The following C18orf63 variants were observed in gnomAD, a reference collection of about 807,000 sequenced individuals.
The protein encoded by C18orf63 is chromosome 18 open reading frame 63.
A neutral mutation model predicts 75.3 loss-of-function variants in C18orf63; 50 were observed. The observed-to-expected ratio is 0.66, with a 90% CI of 0.53 to 0.84. C18orf63 has a LOEUF of 0.84. Among genes scored for constraint, C18orf63 ranks in the 40% least tolerant of loss-of-function variants. C18orf63 has a pLI of 0.00. For missense variants in C18orf63, 732 were observed against 800.2 expected (o/e 0.91, Z 1.03); for synonymous variants, 232 against 267.6 (o/e 0.87, Z 1.30).
intron 2 of C18orf63, among the ~76,000 whole-genome samples, chr18:74,319,217 CCA>C (rs1239756377): frequency 2.6e-5 from 4 of 152,038 alleles, no homozygotes; most frequent in Non-Finnish European, 5.9e-5. Flanking sequence ...GCAGCCATTC[CCA>C]CAGAGTGGGG....
intron 1 of C18orf63, among the ~76,000 whole-genome samples, chr18:74,316,879 C>G (rs954385033): frequency 6.6e-6 from 1 of 152,214 alleles, no homozygotes; most frequent in East Asian, 1.9e-4. Context: ...TATCCCTGAA[C>G]AGATCACTCT....
Position 74,320,508 on chromosome 18 carries a change from C to T in C18orf63, c.135-5C>T. On this transcript the variant is annotated splice_region_variant and splice_polypyrimidine_tract_variant and intron_variant, in intron 2 of 13. Transcript: ENST00000579455. ...TCCACTTTGTAATATATTTCATCTC[C>T]ACAGGCAATTGCTGTTTTTGCATCA... is the stretch of plus-strand genomic sequence containing the variant. 1 of 1,528,312 alleles carries T rather than the reference C, an allele frequency of 6.5e-7. No individual in the cohort carries two copies. Among genetic ancestry groups the T allele is most frequent in the African/African-American group, 1.4e-5 (1 of 72,868 alleles). 94.7% of individuals were successfully genotyped at this position (1,528,312 alleles called of 1,614,324 possible). A position where few individuals can be genotyped will look rare whatever the true frequency, so the allele number is the denominator to read the frequency against.
intron 11 of C18orf63, among the ~76,000 whole-genome samples, chr18:74,344,138 A>G (rs919874373): frequency 2.6e-5 from 4 of 152,096 alleles, no homozygotes; most frequent in African/African-American, 9.7e-5. Context: ...GTATAAGGAA[A>G]ACAGAGGGCT....
At chr18:74,333,875 C>T (rs990041831) in intron 7 of C18orf63, among the ~76,000 whole-genome samples, 2 of 152,216 alleles carry the variant, frequency 1.3e-5, no homozygotes, top group African/African-American at 4.8e-5. Context: ...CAACATTATA[C>T]ACTCAACATG....
chr18:74,334,917 A>G (rs959509807), intron 7 of C18orf63, among the ~76,000 whole-genome samples: 2 of 152,144 alleles, frequency 1.3e-5, no homozygotes, highest in African/African-American at 2.4e-5. Context: ...ATGGTCTTTC[A>G]TCCTTCCATG....
rs1984713119 is a variant in C18orf63, at chr18:74,353,814, CAG to C, written c.1550_1551del (p.Glu517ValfsTer3). The C allele has an allele frequency of 2.6e-6, 4 of 1,535,762 alleles. No homozygotes were observed. Among genetic ancestry groups the C allele is most frequent in the Admixed American group, 2.0e-5 (1 of 50,964 alleles). On this transcript the variant is annotated frameshift_variant, in exon 12 of 14. Coordinates refer to ENST00000579455, the MANE Select transcript of C18orf63 (RefSeq NM_001174123.2). LOFTEE classifies it high-confidence loss of function. ...TCCAGACCTCTGCAAGAAAAAAATA[CAG>C]AGTCTTCTGAAAATATGACAAAATT...
chr18:74,342,211 G>C, intron 9 of C18orf63, 30 bp from the exon 10 acceptor site: 1 of 1,469,104 alleles, frequency 6.8e-7, no homozygotes, highest in South Asian at 1.2e-5. Flanking sequence ...CTTTCTCCAA[G>C]ATATTTAAAA....
At chr18:74,342,215 T>C in intron 9 of C18orf63, 26 bp from the exon 10 acceptor site, 2 of 1,475,574 alleles carry the variant, frequency 1.4e-6, no homozygotes, top group Non-Finnish European at 1.8e-6. Context: ...CTCCAAGATA[T>C]TTAAAATTTT....
At chr18:74,349,098 T>A (rs561854545) in intron 11 of C18orf63, among the ~76,000 whole-genome samples, 1 of 152,328 alleles carries the variant, frequency 6.6e-6, no homozygotes, top group East Asian at 1.9e-4. Context: ...AAGTAGTAGA[T>A]ATGTTGTTTA....
intron 7 of C18orf63, among the ~76,000 whole-genome samples, chr18:74,336,730 A>C (rs1014546371): frequency 6.6e-6 from 1 of 152,076 alleles, no homozygotes; most frequent in African/African-American, 2.4e-5. Context: ...TTATGTCTAA[A>C]ACTGAATGTA....
chr18:74,335,240 C>G (rs1478328895), intron 7 of C18orf63, among the ~76,000 whole-genome samples: 1 of 152,052 alleles, frequency 6.6e-6, no homozygotes, highest in Non-Finnish European at 1.5e-5. Flanking sequence ...ATTTTTTGAA[C>G]TAGGTGACTT....
chr18:74,347,303 G>T (rs1451586239), intron 11 of C18orf63, among the ~76,000 whole-genome samples: 1 of 152,204 alleles, frequency 6.6e-6, no homozygotes, highest in African/African-American at 2.4e-5. Flanking sequence ...AAGCAAGAGT[G>T]GAGAAAGGGA....
At chr18:74,343,065 G>A (rs1984515171) in intron 10 of C18orf63, among the ~76,000 whole-genome samples, 1 of 152,124 alleles carries the variant, frequency 6.6e-6, no homozygotes, top group Non-Finnish European at 1.5e-5. Context: ...TACAGAATAT[G>A]TTTCATCAGA....
chr18:74,339,467 C>G (rs1344935100), intron 8 of C18orf63, among the ~76,000 whole-genome samples: 1 of 151,954 alleles, frequency 6.6e-6, no homozygotes, highest in East Asian at 1.9e-4. Context: ...TTAGTTTTTT[C>G]TAGTAATTCT....
Position 74,353,447 on chromosome 18 carries a change from G to C in C18orf63, c.1180G>C (p.Gly394Arg). Residue 394 changes from glycine (G) to arginine (R), a missense_variant, in exon 12 of 14, where the codon GGT (glycine) becomes CGT (arginine). This residue lies in a region of C18orf63 where 495 missense variants were observed against 508.7 expected (regional missense o/e 0.97). Transcript: ENST00000579455. ...ALHLQPESVQ[G>R]RKKSLSIRAP... ...GCATCTCCAGCCAGAGTCTGTTCAGGGTAGAAAGAAATCCCTGTCTATCAG... is the reference window on the plus strand; with the variant it reads ...GCATCTCCAGCCAGAGTCTGTTCAGCGTAGAAAGAAATCCCTGTCTATCAG... 6.5e-7 allele frequency: 1 copy of C among 1,536,246 alleles called. No individual in the cohort carries two copies. The highest frequency in any genetic ancestry group is 1.2e-5 in the South Asian group (1 of 84,048).
At chr18:74,352,166 T>A (rs1031467934) in intron 11 of C18orf63, among the ~76,000 whole-genome samples, 6 of 152,306 alleles carry the variant, frequency 3.9e-5, no homozygotes, top group Non-Finnish European at 8.8e-5. Flanking sequence ...TATTGTATGA[T>A]TCCACTTACA....
At chr18:74,322,660 T>C (rs1224266225) in intron 3 of C18orf63, 38 bp from the exon 4 acceptor site, 1 of 718,294 alleles carries the variant, frequency 1.4e-6, no homozygotes, top group East Asian at 2.8e-5. Context: ...TATATATATA[T>C]GTTAAGTCCT....
At chr18:74,319,524 A>G (rs1244921367) in intron 2 of C18orf63, among the ~76,000 whole-genome samples, 2 of 152,170 alleles carry the variant, frequency 1.3e-5, no homozygotes, top group African/African-American at 4.8e-5. Context: ...CTTTCCCTTG[A>G]ACCTTGAAAT....
chr18:74,327,120 G>A (rs372206563), intron 4 of C18orf63, among the ~76,000 whole-genome samples: 13 of 152,062 alleles, frequency 8.5e-5, no homozygotes, highest in South Asian at 4.2e-4. Flanking sequence ...ATTCTTAACC[G>A]GACCCTTTTA....
Sources: gnomAD v4.1 joint callset for allele counts (sites outside exome capture counted in the v4.1 genomes callset) on GRCh38, gnomAD v4.1.1 for gene constraint, gnomAD v4.1.1 regional missense constraint, MANE v1.5 for transcripts, NCBI Gene and HGNC (gene_info 2026-07-23, HGNC 2026-07-21) for gene names.